Variants in PDZD2 observed in about 807,000 individuals in gnomAD.
PDZD2 encodes PDZ domain containing 2, also known as PDZ domain-containing protein 2.
A neutral mutation model predicts 220.7 loss-of-function variants in PDZD2; 90 were observed. That is an observed-to-expected ratio of 0.41 (90% CI 0.34 to 0.49). PDZD2 has a LOEUF of 0.49. PDZD2 is among the 20% of genes least tolerant of loss of function. The pLI, the probability that PDZD2 is intolerant of heterozygous loss-of-function variation, is 0.28. For missense variants in PDZD2, 3,174 were observed against 3,608.5 expected (o/e 0.88, Z 3.08); for synonymous variants, 1,375 against 1,450.5 (o/e 0.95, Z 1.18).
At chr5:31,887,462 T>C (rs1265113949) in intron 2 of PDZD2, among the ~76,000 whole-genome samples, 2 of 152,132 alleles carry the variant, frequency 1.3e-5, no homozygotes, top group African/African-American at 4.8e-5. Flanking sequence ...GGCTTAATTT[T>C]GTTTCATTTT....
intron 14 of PDZD2, among the ~76,000 whole-genome samples, chr5:32,062,857 G>A (rs776353931): frequency 7.9e-5 from 12 of 151,914 alleles, no homozygotes; most frequent in Non-Finnish European, 1.2e-4. Flanking sequence ...TTCCTCTAAC[G>A]ACACATTCTG....
intron 2 of PDZD2, among the ~76,000 whole-genome samples, chr5:31,963,846 C>T (rs1282984182): frequency 6.6e-6 from 1 of 152,132 alleles, no homozygotes; most frequent in Non-Finnish European, 1.5e-5. Flanking sequence ...GCTCAATCCC[C>T]CAATGCCCAG....
At chr5:31,897,465 T>G (rs552557060) in intron 2 of PDZD2, among the ~76,000 whole-genome samples, 15 of 152,310 alleles carry the variant, frequency 9.8e-5, no homozygotes, top group Admixed American at 3.3e-4. Context: ...GATGTTCAAA[T>G]ATAAGTCGCA....
intron 1 of PDZD2, among the ~76,000 whole-genome samples, chr5:31,764,971 GGAGGCTAAGGCAC>G (rs1751901486): frequency 6.6e-6 from 1 of 152,112 alleles, no homozygotes; most frequent in Non-Finnish European, 1.5e-5. Context: ...CAGCTACTCG[GGAGGCTAAGGCAC>G]GAGAATTGCT....
At chr5:31,721,034 T>A (rs253924) in intron 1 of PDZD2, among the ~76,000 whole-genome samples, 124,706 of 152,014 alleles carry the variant, frequency 0.82, 51,559 homozygotes, top group East Asian at 0.94. Flanking sequence ...GAGGTTGGAG[T>A]GCGCTGCTTC....
intron 1 of PDZD2, among the ~76,000 whole-genome samples, chr5:31,697,493 G>A (rs75308549): frequency 0.066 from 9,998 of 152,138 alleles, 497 homozygotes; most frequent in African/African-American, 0.14. Flanking sequence ...AAAGAAAATC[G>A]GAAAGAACAT....
intron 2 of PDZD2, among the ~76,000 whole-genome samples, chr5:31,804,646 A>G (rs6892463): frequency 0.32 from 47,918 of 151,530 alleles, 8,254 homozygotes; most frequent in East Asian, 0.55. Context: ...ACTGCATTGT[A>G]CGACCTCAAC....
intron 2 of PDZD2, among the ~76,000 whole-genome samples, chr5:31,903,293 C>CA (rs202238776): frequency 0.034 from 5,037 of 146,882 alleles, 128 homozygotes; most frequent in Non-Finnish European, 0.053. Context: ...GACTCCATCT[C>CA]AAAAAAAAAT....
At chr5:32,004,177 A>G (rs1223694210) in intron 5 of PDZD2, among the ~76,000 whole-genome samples, 1 of 152,136 alleles carries the variant, frequency 6.6e-6, no homozygotes, top group African/African-American at 2.4e-5. Context: ...TTCCTCGATG[A>G]TGCCTGCTCC....
intron 7 of PDZD2, among the ~76,000 whole-genome samples, chr5:32,048,318 G>A (rs547029552): frequency 2.6e-5 from 4 of 152,220 alleles, no homozygotes; most frequent in South Asian, 2.1e-4. Context: ...TTCAAAAACT[G>A]GCAGTTTTTT....
chr5:31,818,002 G>T (rs1174593653), intron 2 of PDZD2, among the ~76,000 whole-genome samples: 3 of 122,106 alleles, frequency 2.5e-5, no homozygotes, highest in African/African-American at 6.4e-5. Flanking sequence ...CAAGGTCTGT[G>T]TCTGTCACTC....
intron 14 of PDZD2, 106 bp downstream of exon 14, chr5:32,061,240 C>A: frequency 9.8e-7 from 1 of 1,017,770 alleles, no homozygotes; most frequent in Non-Finnish European, 1.5e-6. Context: ...AGGCAGGCAA[C>A]CTACGGGTGG....
chr5:31,777,316 C>T (rs906174201), intron 1 of PDZD2, among the ~76,000 whole-genome samples: 3 of 152,212 alleles, frequency 2.0e-5, no homozygotes, highest in Admixed American at 1.3e-4. Flanking sequence ...CTTGAATTCT[C>T]GCCAGGCCTC....
At chr5:31,720,871 A>T (rs1748747137) in intron 1 of PDZD2, among the ~76,000 whole-genome samples, 1 of 152,092 alleles carries the variant, frequency 6.6e-6, no homozygotes, top group African/African-American at 2.4e-5. Flanking sequence ...AGAAGGTGGG[A>T]GTTAGGGTAA....
intron 6 of PDZD2, among the ~76,000 whole-genome samples, chr5:32,012,879 T>TC (rs1753440691): frequency 1.3e-5 from 2 of 151,886 alleles, no homozygotes; most frequent in South Asian, 4.1e-4. Context: ...ATAAATTTAT[T>TC]ATAATTCTAA....
chr5:31,823,002 G>T, intron 2 of PDZD2: 1 of 1,190,772 alleles, frequency 8.4e-7, no homozygotes. Context: ...CGAGAAGACT[G>T]AGTTCTACGT....
At chr5:31,787,111 G>A (rs1443407198) in intron 1 of PDZD2, among the ~76,000 whole-genome samples, 1 of 152,196 alleles carries the variant, frequency 6.6e-6, no homozygotes, top group Non-Finnish European at 1.5e-5. Flanking sequence ...TGGACAGGAT[G>A]ATCAGAAGGT....
At chr5:31,659,116 A>G (rs374031311) in intron 1 of PDZD2, among the ~76,000 whole-genome samples, 2 of 152,122 alleles carry the variant, frequency 1.3e-5, no homozygotes, top group African/African-American at 2.4e-5. Flanking sequence ...CTCTGACACC[A>G]CTTCTCAGAC....
At chr5:31,763,277 G>T (rs116764433) in intron 1 of PDZD2, among the ~76,000 whole-genome samples, 1 of 152,080 alleles carries the variant, frequency 6.6e-6, no homozygotes, top group South Asian at 2.1e-4. Context: ...TAGGGCCTCC[G>T]GTATCAGGCG....
Sources: gnomAD v4.1 joint callset for allele counts (sites outside exome capture counted in the v4.1 genomes callset) on GRCh38, gnomAD v4.1.1 for gene constraint, MANE v1.5 for transcripts, NCBI Gene and HGNC (gene_info 2026-07-23, HGNC 2026-07-21) for gene names.